MED13L: variants seen among roughly 807,000 people sequenced by gnomAD.
MED13L encodes the protein mediator complex subunit 13L, also known as mediator of RNA polymerase II transcription subunit 13-like.
Under a neutral mutation model 220.9 loss-of-function variants are expected in MED13L, and 7 were observed. That is an observed-to-expected ratio of 0.03 (90% CI 0.02 to 0.06). The LOEUF (loss-of-function observed/expected upper bound fraction) is 0.06. Ranked by LOEUF, MED13L falls within the 10% of genes least tolerant of loss-of-function variation. The pLI, the probability that MED13L is intolerant of heterozygous loss-of-function variation, is 1.00. For missense variants in MED13L, 1,965 were observed against 2,760.5 expected, an observed-to-expected ratio of 0.71 and a Z score of 6.46; for synonymous variants, 1,011 against 1,015.2, an observed-to-expected ratio of 1.00 and a Z score of 0.08.
chr12:115,986,625 A>G (rs1877708688), intron 18 of MED13L, 136 bp from the exon 19 acceptor site: 2 of 872,594 alleles, frequency 2.3e-6, no homozygotes, highest in African/African-American at 1.7e-5. Flanking sequence ...TCTTAAAAGT[A>G]TTTTTGAAAT....
At chr12:115,985,749 T>C (rs1877646423) in intron 19 of MED13L, among the ~76,000 whole-genome samples, 1 of 152,216 alleles carries the variant, frequency 6.6e-6, no homozygotes, top group Non-Finnish European at 1.5e-5. Context: ...TTAATCAGTA[T>C]CAAAGTTTCA....
chr12:116,101,372 CAATA>C (rs1183493176), intron 3 of MED13L, among the ~76,000 whole-genome samples: 3 of 152,110 alleles, frequency 2.0e-5, no homozygotes, highest in Non-Finnish European at 4.4e-5. Context: ...GGGAGGTGCT[CAATA>C]AATATATGAG....
At chr12:115,973,802 G>C (rs1876750936) in intron 25 of MED13L, among the ~76,000 whole-genome samples, 1 of 152,094 alleles carries the variant, frequency 6.6e-6, no homozygotes, top group Admixed American at 6.6e-5. Context: ...AATGAAAAGG[G>C]TCTATTAGTC....
At chr12:116,056,313 T>G (rs1278890410) in intron 4 of MED13L, among the ~76,000 whole-genome samples, 1 of 151,978 alleles carries the variant, frequency 6.6e-6, no homozygotes, top group African/African-American at 2.4e-5. Context: ...AGTCTTACTC[T>G]TTCAGTCAGG....
intron 2 of MED13L, chr12:116,169,018 G>A (rs1447721138): frequency 6.6e-6 from 1 of 152,232 alleles, no homozygotes; most frequent in African/African-American, 2.4e-5. Flanking sequence ...TGTTTCAAGA[G>A]AGCTCTGAGC....
At chr12:116,274,697 T>C (rs548027952) in intron 1 of MED13L, among the ~76,000 whole-genome samples, 2 of 151,916 alleles carry the variant, frequency 1.3e-5, no homozygotes, top group Non-Finnish European at 2.9e-5. Flanking sequence ...TAGCACCTTA[T>C]CCACACTCCA....
Position 116,075,599 on chromosome 12 carries a change from C to A in MED13L, c.479+21070G>T, listed in dbSNP as rs1593014242. 2.6e-5 allele frequency among the ~76,000 whole-genome samples: 4 copies of A among 152,302 alleles called. 1 individual carries two copies. Among genetic ancestry groups the A allele is most frequent in the Admixed American group, 2.6e-4 (4 of 15,304 alleles). ...TAGTCCTGACTTACAAATAATAGTT[C>A]CTTTTCCTTCCAACTTGAAGCTGTG... On this transcript the variant is annotated intron_variant, in intron 4 of 30. Transcript: ENST00000281928.
At chr12:116,274,175 AAAATT>A (rs1464058752) in intron 1 of MED13L, among the ~76,000 whole-genome samples, 3 of 152,192 alleles carry the variant, frequency 2.0e-5, no homozygotes, top group Non-Finnish European at 4.4e-5. Flanking sequence ...TGGATGCTGA[AAAATT>A]AATTTAAGAA....
chr12:116,033,459 T>C (rs1298786145), intron 4 of MED13L, among the ~76,000 whole-genome samples: 1 of 152,232 alleles, frequency 6.6e-6, no homozygotes, highest in Non-Finnish European at 1.5e-5. Context: ...AAAAACCCTT[T>C]TCACTGGGTG....
At chr12:116,109,360 CATAA>C (rs1873884747) in intron 3 of MED13L, among the ~76,000 whole-genome samples, 1 of 151,944 alleles carries the variant, frequency 6.6e-6, no homozygotes, top group African/African-American at 2.4e-5. Context: ...ATTCATGAGC[CATAA>C]ATAAATGAAA....
In MED13L at chr12:115,970,733, A is replaced by G. The variant is rs2304460; in HGVS notation, c.5928T>C (p.Thr1976=). Residue 1976 remains threonine (T), a synonymous_variant, in exon 27 of 31, where the codon ACT becomes ACC. Transcript: ENST00000281928. The part of the protein sequence containing the change: ...VTMGSVFGRS[T]ALNMQSSQLN... ...GCTGAGATGACTGCATGTTCAGTGC[A>G]GTACTTCGGCCAAAAACAGAGCCCA... 281,299 of 1,613,844 alleles carry G rather than the reference A, an allele frequency of 0.17. 25,305 individuals are homozygous for G. The highest frequency in any genetic ancestry group is 0.21 in the Middle Eastern group (1,277 of 6,046).
intron 3 of MED13L, among the ~76,000 whole-genome samples, chr12:116,104,044 C>T (rs1873337803): frequency 9.5e-6 from 1 of 105,466 alleles, no homozygotes; most frequent in African/African-American, 3.7e-5. Context: ...GAGTTTCACT[C>T]TTGTCGCCCA....
At chr12:116,111,562 C>T in intron 2 of MED13L, 50 bp from the exon 3 acceptor site, 1 of 1,409,894 alleles carries the variant, frequency 7.1e-7, no homozygotes, top group Non-Finnish European at 9.8e-7. Flanking sequence ...AAAAGGACAT[C>T]CAAATAAAAA....
chr12:116,212,518 T>C (rs1482566454), intron 2 of MED13L, among the ~76,000 whole-genome samples: 1 of 152,144 alleles, frequency 6.6e-6, no homozygotes, highest in African/African-American at 2.4e-5. Context: ...CCCCTTCTAC[T>C]AGGAAGGTTT....
chr12:116,120,826 T>A (rs1213241224), intron 2 of MED13L, among the ~76,000 whole-genome samples: 1 of 152,176 alleles, frequency 6.6e-6, no homozygotes, highest in South Asian at 2.1e-4. Context: ...ACTATCTCTA[T>A]AGACTATGTT....
chr12:116,026,791 C>T lies in MED13L; in HGVS notation c.480-4190G>A, dbSNP rs1880420152. Among the ~76,000 whole-genome samples the T allele has an allele frequency of 1.3e-5, 2 of 152,054 alleles. 1 individual carries two copies. Among genetic ancestry groups the T allele is most frequent in the South Asian group, 4.1e-4 (2 of 4,822 alleles). On this transcript the variant is annotated intron_variant, in intron 4 of 30. Transcript: ENST00000281928. The stretch of plus-strand genomic sequence containing the variant: ...GCAACAGCACTTCTAAGAATTTATC[C>T]CATATATAAAACTATGGTATAGAGT...
intron 2 of MED13L, among the ~76,000 whole-genome samples, chr12:116,158,151 G>GA (rs753715015): frequency 0.027 from 3,464 of 128,586 alleles, 122 homozygotes; most frequent in Admixed American, 0.1. Context: ...AATTCAAGGG[G>GA]AAAAAAAAAA....
Position 115,968,920 on chromosome 12 carries a change from G to T in MED13L, c.6225+20C>A. 1 of 1,613,574 alleles carries T rather than the reference G, an allele frequency of 6.2e-7. No individual in the cohort carries two copies. Reference sequence around the variant, plus strand: ...AAAGGCTATGGTTGTCTTAAACAACGTACTCCAAATCATCCTTACCCGACT... The same window carrying T: ...AAAGGCTATGGTTGTCTTAAACAACTTACTCCAAATCATCCTTACCCGACT... On this transcript the variant is annotated intron_variant, in intron 28 of 30. Transcript: ENST00000281928.
intron 4 of MED13L, among the ~76,000 whole-genome samples, chr12:116,047,786 T>C (rs1364820875): frequency 6.6e-6 from 1 of 152,178 alleles, no homozygotes; most frequent in Non-Finnish European, 1.5e-5. Flanking sequence ...GTTTTGCCCA[T>C]GTTCTACTGC....
Sources: gnomAD v4.1 joint callset for allele counts (sites outside exome capture counted in the v4.1 genomes callset) on GRCh38, gnomAD v4.1.1 for gene constraint, MANE v1.5 for transcripts, NCBI Gene and HGNC (gene_info 2026-07-23, HGNC 2026-07-21) for gene names.